TLN2: variants seen among roughly 807,000 people sequenced by gnomAD.
TLN2 encodes the protein talin 2.
TLN2 carries 118 observed loss-of-function variants against 294.7 expected under a neutral mutation model. That is an observed-to-expected ratio of 0.40 (90% confidence interval 0.34 to 0.47). TLN2 has a LOEUF of 0.47. Ranked by LOEUF, TLN2 falls within the 20% of genes least tolerant of loss-of-function variation. TLN2 has a pLI of 0.84. For synonymous variants in TLN2, 1,431 were observed against 1,304.5 expected, an observed-to-expected ratio of 1.10 and a Z score of -2.09; for missense variants, 3,083 against 3,282.2, an observed-to-expected ratio of 0.94 and a Z score of 1.48.
chr15:62,644,727 T>A, intron 3 of TLN2: 1 of 381,608 alleles, frequency 2.6e-6, no homozygotes, highest in South Asian at 2.0e-5. Context: ...TCCTTGCTCC[T>A]CTGTGTGTCT....
At position 62,762,402 on chromosome 15, in the gene TLN2, G is replaced by A. The variant is rs2062731246; in HGVS notation, c.4910G>A (p.Gly1637Glu). 1 of 1,614,032 alleles carries A rather than the reference G, an allele frequency of 6.2e-7. No individual in the cohort carries two copies. Among genetic ancestry groups the A allele is most frequent in the Admixed American group, 1.7e-5 (1 of 60,002 alleles). Residue 1637 changes from glycine to glutamate, a missense_variant, in exon 39 of 59, where the codon GGA (glycine) becomes GAA (glutamate). Coordinates refer to ENST00000636159, the MANE Select transcript of TLN2 (RefSeq NM_015059.3). ...KDPPTWSVLA[G>E]HSHTVSDSIK... The stretch of plus-strand genomic sequence containing the variant: ...CCACCCACCTGGTCTGTACTGGCTG[G>A]ACATTCCCATACAGTGTCCGACTCC...
intron 1 of TLN2, among the ~76,000 whole-genome samples, chr15:62,467,462 G>A (rs1374498142): frequency 6.6e-6 from 1 of 152,188 alleles, no homozygotes; most frequent in Non-Finnish European, 1.5e-5. Flanking sequence ...GGAGGTCGAG[G>A]TGGGTGGATC....
intron 1 of TLN2, among the ~76,000 whole-genome samples, chr15:62,445,146 A>C (rs113670097): frequency 0.016 from 2,364 of 152,160 alleles, 65 homozygotes; most frequent in African/African-American, 0.053. Context: ...ATAGAACTGG[A>C]GCTGTTGAAA....
chr15:62,793,038 C>T (rs959492904), intron 46 of TLN2, among the ~76,000 whole-genome samples: 1 of 152,240 alleles, frequency 6.6e-6, no homozygotes. Context: ...GGCACTCCCC[C>T]TTCTTGCAGG....
At chr15:62,471,718 A>T (rs2037486052) in intron 1 of TLN2, among the ~76,000 whole-genome samples, 1 of 152,160 alleles carries the variant, frequency 6.6e-6, no homozygotes, top group Non-Finnish European at 1.5e-5. Context: ...AACTGAGATG[A>T]AAGATAAGAG....
chr15:62,628,024 A>G (rs764334194), intron 3 of TLN2, among the ~76,000 whole-genome samples: 10 of 152,236 alleles, frequency 6.6e-5, no homozygotes, highest in Non-Finnish European at 1.0e-4. Context: ...TCAACATGGG[A>G]AGCAAACATT....
chr15:62,509,690 A>G (rs1313624336), intron 1 of TLN2, among the ~76,000 whole-genome samples: 1 of 152,046 alleles, frequency 6.6e-6, no homozygotes, highest in East Asian at 1.9e-4. Context: ...CAGGGAGGAG[A>G]GGGGCTTTCG....
chr15:62,462,328 G>T (rs1256478883), intron 1 of TLN2, among the ~76,000 whole-genome samples: 1 of 152,186 alleles, frequency 6.6e-6, no homozygotes, highest in Admixed American at 6.5e-5. Context: ...CTTCACAGAA[G>T]CCCCCAGGAG....
At chr15:62,475,259 CT>C (rs1354664622) in intron 1 of TLN2, among the ~76,000 whole-genome samples, 1 of 152,090 alleles carries the variant, frequency 6.6e-6, no homozygotes, top group Non-Finnish European at 1.5e-5. Flanking sequence ...TATAAGCCGA[CT>C]TAATGGGGAC....
At chr15:62,483,707 A>C (rs2038232580) in intron 1 of TLN2, among the ~76,000 whole-genome samples, 1 of 152,152 alleles carries the variant, frequency 6.6e-6, no homozygotes, top group African/African-American at 2.4e-5. Context: ...ATCTTGATAA[A>C]AGCTATGAGT....
chr15:62,701,350 T>C, intron 17 of TLN2, 136 bp downstream of exon 17: 1 of 741,048 alleles, frequency 1.3e-6, no homozygotes, highest in Non-Finnish European at 2.2e-6. Context: ...TAAGGCACTT[T>C]TAGTGCTGTA....
intron 3 of TLN2, among the ~76,000 whole-genome samples, chr15:62,621,844 A>T (rs1338278218): frequency 6.6e-6 from 1 of 152,106 alleles, no homozygotes; most frequent in Non-Finnish European, 1.5e-5. Flanking sequence ...AATGTGGGAG[A>T]TTTTTCCTCA....
chr15:62,514,314 T>C (rs996266989), intron 1 of TLN2, among the ~76,000 whole-genome samples: 8 of 152,246 alleles, frequency 5.3e-5, no homozygotes, highest in Non-Finnish European at 7.3e-5. Context: ...ACTTTCTTCA[T>C]TGTGGCAGTG....
chr15:62,693,955 C>CTTTTTTT (rs71131123), intron 13 of TLN2, among the ~76,000 whole-genome samples: 1 of 94,228 alleles, frequency 1.1e-5, no homozygotes, highest in African/African-American at 4.0e-5. Flanking sequence ...GATTTTCTTT[C>CTTTTTTT]TTTTTTTTTT....
intron 12 of TLN2, among the ~76,000 whole-genome samples, chr15:62,690,069 C>T (rs1595668729): frequency 6.8e-5 from 7 of 103,354 alleles, no homozygotes; most frequent in Admixed American, 4.4e-4. Context: ...CCTCACCTCC[C>T]GGACGGGGCG....
At chr15:62,512,354 A>C (rs1387233698) in intron 1 of TLN2, among the ~76,000 whole-genome samples, 1 of 152,108 alleles carries the variant, frequency 6.6e-6, no homozygotes, top group Non-Finnish European at 1.5e-5. Context: ...GCTCTCTCTT[A>C]GTGGAAAATT....
At chr15:62,469,945 G>T (rs991481727) in intron 1 of TLN2, among the ~76,000 whole-genome samples, 2 of 151,502 alleles carry the variant, frequency 1.3e-5, no homozygotes, top group African/African-American at 4.9e-5. Context: ...TTTGTGTGGG[G>T]GTGTGTGTGT....
At chr15:62,738,860 G>T (rs11853480) in intron 30 of TLN2, among the ~76,000 whole-genome samples, 147,870 of 152,330 alleles carry the variant, frequency 0.97, 71,917 homozygotes, top group East Asian at 1. Flanking sequence ...ATGGTTATCA[G>T]TCTGCTAGAT....
intron 8 of TLN2, among the ~76,000 whole-genome samples, chr15:62,657,193 G>C (rs1252371435): frequency 6.6e-6 from 1 of 152,044 alleles, no homozygotes; most frequent in Non-Finnish European, 1.5e-5. Flanking sequence ...GGAGAAACTG[G>C]GAGGAGGAGG....
Sources: gnomAD v4.1 joint callset for allele counts (sites outside exome capture counted in the v4.1 genomes callset) on GRCh38, gnomAD v4.1.1 for gene constraint, MANE v1.5 for transcripts, NCBI Gene and HGNC (gene_info 2026-07-23, HGNC 2026-07-21) for gene names.